ACTR3B: variants seen among roughly 807,000 people sequenced by gnomAD.
The protein encoded by ACTR3B is actin-related protein 3B.
Under a neutral mutation model 59.0 loss-of-function variants are expected in ACTR3B, and 8 were observed. The ratio of observed to expected loss-of-function variants is 0.14; its 90% CI spans 0.08 to 0.24. The LOEUF (loss-of-function observed/expected upper bound fraction) is 0.24. ACTR3B is among the 10% of genes least tolerant of loss of function. The probability of loss-of-function intolerance (pLI) is 1.00; values close to 1 mark genes in which losing one functional copy is unlikely to be tolerated. For missense variants in ACTR3B, 245 were observed against 552.3 expected (o/e 0.44, Z 5.58); for synonymous variants, 148 against 197.9 (o/e 0.75, Z 2.12).
chr7:152,804,574 G>A (rs952598147), intron 4 of ACTR3B, among the ~76,000 whole-genome samples: 2 of 152,292 alleles, frequency 1.3e-5, no homozygotes, highest in African/African-American at 2.4e-5. Context: ...CGAGGAGGGC[G>A]TAGGGTGAGA....
At chr7:152,767,603 C>T (rs1446210394) in intron 1 of ACTR3B, among the ~76,000 whole-genome samples, 1 of 152,170 alleles carries the variant, frequency 6.6e-6, no homozygotes, top group Non-Finnish European at 1.5e-5. Flanking sequence ...CTGTATAATA[C>T]TGAGTCTTCC....
At position 152,829,044 on chromosome 7, in the gene ACTR3B, G is replaced by GTATATA. The variant is rs749504905; in HGVS notation, c.951+3931_951+3936dup. Among the ~76,000 whole-genome samples the GTATATA allele has an allele frequency of 3.7e-3, 532 of 143,896 alleles. 1 individual carries two copies. The highest frequency in any genetic ancestry group is 0.014 in the African/African-American group (513 of 35,494). The allele number at this position is 143,896 out of a possible 152,430, so 94.4% of individuals were successfully genotyped here. A position where few individuals can be genotyped will look rare whatever the true frequency, so the allele number is the denominator to read the frequency against. On this transcript the variant is annotated intron_variant, in intron 9 of 11. Transcript: ENST00000256001. The stretch of plus-strand genomic sequence containing the variant: ...TGACAAGTAAAAATTGTGTGTGTGT[G>GTATATA]TATATATATATATACACACACACAC...
intron 9 of ACTR3B, among the ~76,000 whole-genome samples, chr7:152,844,146 C>T (rs1798083315): frequency 1.3e-5 from 2 of 152,186 alleles, no homozygotes; most frequent in South Asian, 4.1e-4. Flanking sequence ...CAACCTCCGC[C>T]TCCCAGGTTC....
Position 152,824,100 on chromosome 7 carries a change from T to A in ACTR3B, c.858+585T>A, listed in dbSNP as rs572926215. On this transcript the variant is annotated intron_variant, in intron 8 of 11. Coordinates refer to ENST00000256001, the MANE Select transcript of ACTR3B (RefSeq NM_020445.6). The surrounding 1 kb of genome is among the most constrained non-coding windows in gnomAD (Gnocchi z 4.2). ...AGAAAGCAGTAATTAAGAGGCACAT[T>A]TTAAGATTTACATATAATGCATTTT... Among the ~76,000 whole-genome samples the A allele has an allele frequency of 1.3e-5, 2 of 152,234 alleles. No individual in the cohort carries two copies. The highest frequency in any genetic ancestry group is 2.9e-5 in the Non-Finnish European group (2 of 68,036).
At position 152,854,747 on chromosome 7, in the gene ACTR3B, C is replaced by T; in HGVS notation, c.*194C>T. The stretch of plus-strand genomic sequence containing the variant: ...TATCCGTGTGCCGACCGCTGTCTGC[C>T]AGCCTCCTCCTTCTCCCGCCCTCCT... On this transcript the variant is annotated 3_prime_UTR_variant, in exon 12 of 12. Transcript: ENST00000256001. The surrounding 1 kb of genome is among the most constrained non-coding windows in gnomAD (Gnocchi z 4.9). 1.8e-6 allele frequency: 1 copy of T among 543,084 alleles called. No homozygotes were observed. The highest frequency in any genetic ancestry group is 2.4e-5 in the South Asian group (1 of 41,608). 33.6% of individuals were successfully genotyped at this position (543,084 alleles called of 1,614,324 possible).
chr7:152,808,679 T>A (rs1407850690), intron 4 of ACTR3B, among the ~76,000 whole-genome samples: 2 of 152,246 alleles, frequency 1.3e-5, no homozygotes, highest in African/African-American at 4.8e-5. Flanking sequence ...CTACTCAGTT[T>A]AAATATTTTG....
chr7:152,780,769 A>G (rs2098150135), intron 1 of ACTR3B, among the ~76,000 whole-genome samples: 1 of 151,958 alleles, frequency 6.6e-6, no homozygotes, highest in Non-Finnish European at 1.5e-5. Context: ...TCCATGGTGC[A>G]CAGTGGGAAG....
At chr7:152,829,883 G>C (rs1796888868) in intron 9 of ACTR3B, among the ~76,000 whole-genome samples, 1 of 152,144 alleles carries the variant, frequency 6.6e-6, no homozygotes, top group Admixed American at 6.5e-5. Flanking sequence ...CTACTTCTCA[G>C]TTCTATTCAG....
intron 1 of ACTR3B, among the ~76,000 whole-genome samples, chr7:152,775,901 CT>C (rs2098135315): frequency 6.6e-6 from 1 of 152,058 alleles, no homozygotes; most frequent in Non-Finnish European, 1.5e-5. Context: ...TTTTATATTG[CT>C]TTGAATTTTG....
intron 9 of ACTR3B, among the ~76,000 whole-genome samples, chr7:152,837,280 TTGAGA>T (rs1158575837): frequency 3.3e-5 from 5 of 152,260 alleles, no homozygotes; most frequent in African/African-American, 1.2e-4. Flanking sequence ...TTGCTTTACT[TTGAGA>T]TGAGTTGGAA....
intron 9 of ACTR3B, among the ~76,000 whole-genome samples, chr7:152,835,686 G>A (rs1797393491): frequency 1.3e-5 from 2 of 152,128 alleles, no homozygotes; most frequent in South Asian, 2.1e-4. Flanking sequence ...CTAGTGAGGC[G>A]TCCTGACCAC....
At chr7:152,792,373 A>C (rs1463577965) in intron 2 of ACTR3B, among the ~76,000 whole-genome samples, 6 of 152,126 alleles carry the variant, frequency 3.9e-5, no homozygotes, top group Admixed American at 2.6e-4. Context: ...TGATGTACTC[A>C]AATTCCTTCT....
At chr7:152,852,385 G>T in intron 10 of ACTR3B, 134 bp downstream of exon 10, 4 of 1,159,170 alleles carry the variant, frequency 3.5e-6, no homozygotes, top group Non-Finnish European at 4.7e-6. Context: ...TTTCTGAGCT[G>T]CATTGTGACA....
At chr7:152,815,743 A>G (rs1795641078) in intron 5 of ACTR3B, among the ~76,000 whole-genome samples, 1 of 152,190 alleles carries the variant, frequency 6.6e-6, no homozygotes, top group Admixed American at 6.5e-5. Context: ...CTTTGGTTGA[A>G]AAATTACCCT....
intron 5 of ACTR3B, among the ~76,000 whole-genome samples, 157 bp downstream of exon 5, chr7:152,814,802 C>T (rs34547316): frequency 1.6e-4 from 24 of 152,122 alleles, no homozygotes; most frequent in Admixed American, 1.0e-3. Context: ...CTATAGGGAA[C>T]GTGTCCCATG....
intron 2 of ACTR3B, among the ~76,000 whole-genome samples, chr7:152,797,935 G>A (rs528841513): frequency 6.6e-6 from 1 of 152,122 alleles, no homozygotes; most frequent in Admixed American, 6.5e-5. Context: ...CTGTTCACCC[G>A]TTAATGGACA....
At chr7:152,790,181 T>TG (rs1270967780) in intron 2 of ACTR3B, among the ~76,000 whole-genome samples, 4 of 152,142 alleles carry the variant, frequency 2.6e-5, no homozygotes, top group Non-Finnish European at 4.4e-5. Flanking sequence ...TTCATAGAGA[T>TG]GGGGTCTCAT....
intron 2 of ACTR3B, among the ~76,000 whole-genome samples, chr7:152,786,743 C>T (rs1181168501): frequency 6.6e-6 from 1 of 152,050 alleles, no homozygotes; most frequent in Non-Finnish European, 1.5e-5. Context: ...TGGATATTTT[C>T]TGGTTGTGTT....
intron 4 of ACTR3B, chr7:152,811,067 G>T (rs1795196348): frequency 6.7e-6 from 1 of 150,156 alleles, no homozygotes; most frequent in African/African-American, 2.4e-5. Context: ...TTTAGTGATG[G>T]GTATTTAGGT....
Sources: gnomAD v4.1 joint callset for allele counts (sites outside exome capture counted in the v4.1 genomes callset) on GRCh38, gnomAD v4.1.1 for gene constraint, Gnocchi (gnomAD v3.1) non-coding constraint, MANE v1.5 for transcripts, NCBI Gene and HGNC (gene_info 2026-07-23, HGNC 2026-07-21) for gene names.